The following ADGRV1 variants were observed in gnomAD, a reference collection of about 807,000 sequenced individuals.
ADGRV1 encodes the protein adhesion G protein-coupled receptor V1.
In ADGRV1, 359 loss-of-function variants were observed where a neutral mutation model predicts 596.2. The ratio of observed to expected loss-of-function variants is 0.60; its 90% confidence interval spans 0.55 to 0.66. ADGRV1 has a LOEUF of 0.66. Ranked by LOEUF, ADGRV1 falls within the 30% of genes least tolerant of loss-of-function variation. The probability of loss-of-function intolerance (pLI) is 0.00; values close to 1 mark genes in which losing one functional copy is unlikely to be tolerated. For synonymous variants in ADGRV1, 2,681 were observed against 2,679.2 expected (o/e 1.00, Z -0.02); for missense variants, 7,274 against 7,575.6 (o/e 0.96, Z 1.48).
chr5:91,135,276 G>A (rs1368543646), intron 87 of ADGRV1, among the ~76,000 whole-genome samples: 1 of 151,478 alleles, frequency 6.6e-6, no homozygotes, highest in Non-Finnish European at 1.5e-5. Flanking sequence ...AGTAAAATTT[G>A]GCATGCTTTT....
At chr5:90,597,831 ATTC>A (rs1561356816) in intron 1 of ADGRV1, among the ~76,000 whole-genome samples, 1 of 152,210 alleles carries the variant, frequency 6.6e-6, no homozygotes, top group Non-Finnish European at 1.5e-5. Flanking sequence ...ATGGTGGGTT[ATTC>A]TTAGAGAAGA....
intron 62 of ADGRV1, 106 bp downstream of exon 62, chr5:90,778,149 A>G (rs1210597438): frequency 3.1e-6 from 4 of 1,285,604 alleles, no homozygotes; most frequent in Admixed American, 2.2e-5. Context: ...GTGTGTGGTT[A>G]GAAGTGGGGG....
At chr5:91,010,684 T>A (rs1782651879) in intron 85 of ADGRV1, among the ~76,000 whole-genome samples, 1 of 152,064 alleles carries the variant, frequency 6.6e-6, no homozygotes, top group East Asian at 1.9e-4. Flanking sequence ...GTGGAAACCT[T>A]CTGTAAATTT....
rs779929326 is a variant in ADGRV1 at position 90,853,245 on chromosome 5, A to G, written c.17205-39A>G. 23 of 1,553,884 alleles carry G rather than the reference A, an allele frequency of 1.5e-5. No individual in the cohort carries two copies. In the South Asian group the frequency reaches 2.3e-4, roughly 15 times the overall value. Reference sequence around the variant, plus strand: ...TATAAGTGGATATATGTATTCAAATACATGCCATTTTTACAGACCCTTTGC... The same window carrying G: ...TATAAGTGGATATATGTATTCAAATGCATGCCATTTTTACAGACCCTTTGC... On this transcript the variant is annotated intron_variant, in intron 79 of 89. Transcript: ENST00000405460.
intron 87 of ADGRV1, among the ~76,000 whole-genome samples, chr5:91,145,539 TGTGA>T (rs538286414): frequency 3.3e-5 from 5 of 152,190 alleles, no homozygotes; most frequent in Non-Finnish European, 7.3e-5. Context: ...TTTGGATGTG[TGTGA>T]GTATTTTCAG....
chr5:90,674,166 G>C lies in ADGRV1; in HGVS notation c.5042G>C (p.Ser1681Thr), dbSNP rs781456737. 1.2e-6 allele frequency: 2 copies of C among 1,613,552 alleles called. No homozygotes were observed. Residue 1681 changes from serine (S) to threonine (T), a missense_variant, in exon 23 of 90, where the codon AGT becomes ACT. By Grantham distance (58) the Ser-to-Thr change is moderately conservative. This residue lies in a region of ADGRV1 where 3,643 missense variants were observed against 3,809.2 expected (regional missense o/e 0.96). Coordinates refer to ENST00000405460, the MANE Select transcript of ADGRV1 (RefSeq NM_032119.4). The stretch of plus-strand genomic sequence containing the variant: ...GGGAAGCTAGGCTCAACTCCTACCA[G>C]TGGTGCAAGCATAGATCCTGAAAAG... ...GDGKLGSTPT[S>T]GASIDPEKET...
chr5:90,810,683 T>G lies in ADGRV1; in HGVS notation c.15423T>G (p.Thr5141=), dbSNP rs1403848339. ...AGMDISFPET[T]VAVAVDTTLI... is the part of the protein sequence containing the mutation. The stretch of plus-strand genomic sequence containing the variant: ...TGGATATTTCCTTCCCCGAGACAAC[T>G]GTGGCTGTAGCAGTTGACACAACTC... The change falls in exon 74 of 90, where the codon ACT becomes ACG. Residue 5141 remains threonine, a synonymous_variant. Transcript: ENST00000405460. 1.2e-6 allele frequency: 2 copies of G among 1,613,828 alleles called. No homozygotes were observed. The highest frequency in any genetic ancestry group is 2.2e-5 in the South Asian group (2 of 91,046).
chr5:90,832,574 T>C (rs1764611512), intron 77 of ADGRV1, among the ~76,000 whole-genome samples: 1 of 152,206 alleles, frequency 6.6e-6, no homozygotes, highest in Admixed American at 6.5e-5. Flanking sequence ...TTGTTGATTG[T>C]TTCTTTGGTT....
Position 90,759,480 on chromosome 5 carries a change from C to T in ADGRV1, c.12012C>T (p.Ser4004=). Residue 4004 remains serine (S), a synonymous_variant, in exon 58 of 90, where the codon TCC becomes TCT. Transcript: ENST00000405460. ...AATTGACAGAGACGTTCAATATTTCCTTGATCAGTGTTGCTGGAGGTGGCA... is the reference window on the plus strand; with the variant it reads ...AATTGACAGAGACGTTCAATATTTCTTTGATCAGTGTTGCTGGAGGTGGCA... The part of the protein sequence containing the change: ...EFELTETFNI[S]LISVAGGGRL... 1.2e-6 allele frequency: 2 copies of T among 1,609,224 alleles called. No homozygotes were observed. Among genetic ancestry groups the T allele is most frequent in the Non-Finnish European group, 8.5e-7 (1 of 1,177,370 alleles).
intron 86 of ADGRV1, among the ~76,000 whole-genome samples, chr5:91,080,241 T>C (rs1271894340): frequency 1.3e-5 from 2 of 152,208 alleles, no homozygotes; most frequent in Admixed American, 6.5e-5. Flanking sequence ...ATACATGTTG[T>C]TAACTATAGT....
intron 84 of ADGRV1, among the ~76,000 whole-genome samples, chr5:90,972,551 C>T (rs1472184909): frequency 1.3e-5 from 2 of 152,170 alleles, no homozygotes; most frequent in Non-Finnish European, 2.9e-5. Context: ...AAGAAACTCA[C>T]TCAAAAGCGC....
At chr5:90,569,375 ATATATATATATATTTTTTTTTTTTTT>A (rs1756133229) in intron 1 of ADGRV1, among the ~76,000 whole-genome samples, 1 of 20,956 alleles carries the variant, frequency 4.8e-5, no homozygotes, top group African/African-American at 2.7e-4. Flanking sequence ...ATATATATAT[ATATATATATATATTTTTTTTTTTTTT>A]TTTTTTTTTT....
Position 90,725,123 on chromosome 5 carries a change from T to A in ADGRV1, c.9944T>A (p.Phe3315Tyr), listed in dbSNP as rs1301193332. Residue 3315 changes from phenylalanine to tyrosine, a missense_variant, in exon 47 of 90, where the codon TTT becomes TAT. Coordinates refer to ENST00000405460, the MANE Select transcript of ADGRV1 (RefSeq NM_032119.4). The stretch of plus-strand genomic sequence containing the variant: ...GAAAATCCTAAAACTTGTGAGGCCT[T>A]TAATATTGGTTTTTCTCCCTACTTT... ...NIENPKTCEA[F>Y]NIGFSPYFVI... 2 of 1,540,316 alleles carry A rather than the reference T, an allele frequency of 1.3e-6. No homozygotes were observed. The highest frequency in any genetic ancestry group is 1.8e-6 in the Non-Finnish European group (2 of 1,133,516).
At chr5:90,904,355 T>C (rs575178606) in intron 83 of ADGRV1, among the ~76,000 whole-genome samples, 16 of 152,212 alleles carry the variant, frequency 1.1e-4, no homozygotes, top group African/African-American at 3.8e-4. Context: ...TCTGTAGTGG[T>C]TGTACTAATT....
In ADGRV1 at chr5:90,622,703, T is replaced by G; in HGVS notation, c.558+2T>G. The G allele has an allele frequency of 1.5e-6, 2 of 1,338,194 alleles. No individual in the cohort carries two copies. The highest frequency in any genetic ancestry group is 2.1e-6 in the Non-Finnish European group (2 of 969,278). The allele number at this position is 1,338,194 out of a possible 1,614,324, so 82.9% of individuals were successfully genotyped here. On this transcript the variant is annotated splice_donor_variant, in intron 5 of 89. Transcript: ENST00000405460. LOFTEE classifies it high-confidence loss of function. ...GGAATGGTCATGGTGACTTTTGAGG[T>G]AAGTTTACTCTGAAGTCATTTTATT... is the stretch of plus-strand genomic sequence containing the variant.
chr5:90,620,598 T>A (rs891338718), intron 4 of ADGRV1, among the ~76,000 whole-genome samples: 1 of 152,156 alleles, frequency 6.6e-6, no homozygotes, highest in African/African-American at 2.4e-5. Flanking sequence ...GCTCTTTAGT[T>A]TAATTAGATC....
chr5:91,134,761 A>G (rs1276721339), intron 87 of ADGRV1, among the ~76,000 whole-genome samples: 1 of 152,150 alleles, frequency 6.6e-6, no homozygotes, highest in Non-Finnish European at 1.5e-5. Context: ...ATTTGTTCTA[A>G]AAATTACAAT....
chr5:90,957,623 TTA>T (rs1777594931), intron 83 of ADGRV1, among the ~76,000 whole-genome samples: 1 of 148,146 alleles, frequency 6.8e-6, no homozygotes, highest in Non-Finnish European at 1.5e-5. Flanking sequence ...ACTATATATG[TTA>T]TATATTTTAC....
intron 1 of ADGRV1, among the ~76,000 whole-genome samples, chr5:90,569,982 T>C (rs1756309886): frequency 6.6e-6 from 1 of 152,176 alleles, no homozygotes; most frequent in Non-Finnish European, 1.5e-5. Flanking sequence ...GTAGTTATAA[T>C]AAAAGTACAT....
Sources: gnomAD v4.1 joint callset for allele counts (sites outside exome capture counted in the v4.1 genomes callset) on GRCh38, gnomAD v4.1.1 for gene constraint, gnomAD v4.1.1 regional missense constraint, MANE v1.5 for transcripts, NCBI Gene and HGNC (gene_info 2026-07-23, HGNC 2026-07-21) for gene names.